FHOD3: variants seen among roughly 807,000 people sequenced by gnomAD.
The protein encoded by FHOD3 is FH1/FH2 domain-containing protein 3.
Under a neutral mutation model 173.0 loss-of-function variants are expected in FHOD3, and 90 were observed. That is an observed-to-expected ratio of 0.52 (90% CI 0.44 to 0.62). The LOEUF (loss-of-function observed/expected upper bound fraction) is 0.62. Among genes scored for constraint, FHOD3 ranks in the 20% least tolerant of loss-of-function variants. FHOD3 has a pLI of 0.00. For missense variants in FHOD3, 1,945 were observed against 2,034.7 expected, an observed-to-expected ratio of 0.96 and a Z score of 0.85; for synonymous variants, 828 against 823.0, an observed-to-expected ratio of 1.01 and a Z score of -0.10.
At chr18:36,381,902 G>A (rs2047811244) in intron 3 of FHOD3, among the ~76,000 whole-genome samples, 1 of 152,182 alleles carries the variant, frequency 6.6e-6, no homozygotes, top group South Asian at 2.1e-4. Flanking sequence ...AGAGTAAATA[G>A]AGAGTTAAAA....
chr18:36,415,491 G>GATTT (rs571995429), intron 3 of FHOD3, among the ~76,000 whole-genome samples: 37 of 152,146 alleles, frequency 2.4e-4, no homozygotes, highest in Non-Finnish European at 5.3e-4. Context: ...AGCACGCAAG[G>GATTT]ATTTATTCAT....
At chr18:36,322,730 G>T (rs1568120893) in intron 1 of FHOD3, among the ~76,000 whole-genome samples, 1 of 152,176 alleles carries the variant, frequency 6.6e-6, no homozygotes, top group East Asian at 1.9e-4. Flanking sequence ...GTCCCTACCT[G>T]CTGTCCACCT....
chr18:36,526,168 C>G (rs1434928625), intron 5 of FHOD3, among the ~76,000 whole-genome samples: 4 of 152,230 alleles, frequency 2.6e-5, no homozygotes, highest in Admixed American at 2.6e-4. Flanking sequence ...GCCAAGGCCC[C>G]TCGTCGTAAG....
At chr18:36,333,276 G>A (rs577966046) in intron 1 of FHOD3, among the ~76,000 whole-genome samples, 81 of 152,304 alleles carry the variant, frequency 5.3e-4, no homozygotes, top group African/African-American at 1.9e-3. Flanking sequence ...GTCTCAGAGA[G>A]GATGGCTGTC....
chr18:36,495,957 T>C (rs1003316509), intron 3 of FHOD3, among the ~76,000 whole-genome samples: 17 of 152,314 alleles, frequency 1.1e-4, no homozygotes, highest in Non-Finnish European at 2.4e-4. Flanking sequence ...TGGAGTTCCA[T>C]AGGAAATGGA....
At chr18:36,377,366 G>A (rs889905845) in intron 3 of FHOD3, among the ~76,000 whole-genome samples, 11 of 152,118 alleles carry the variant, frequency 7.2e-5, no homozygotes, top group Admixed American at 7.2e-4. Flanking sequence ...CTCCTGGCTT[G>A]CAGGGAGGCC....
intron 25 of FHOD3, among the ~76,000 whole-genome samples, chr18:36,758,198 G>A (rs1600588080): frequency 6.6e-6 from 1 of 152,200 alleles, no homozygotes; most frequent in Non-Finnish European, 1.5e-5. Flanking sequence ...ATGAGGCAGC[G>A]TGGAATGTTA....
intron 17 of FHOD3, among the ~76,000 whole-genome samples, chr18:36,703,843 C>A (rs1040287527): frequency 1.3e-5 from 2 of 152,180 alleles, no homozygotes; most frequent in African/African-American, 4.8e-5. Context: ...GACGGGGCAG[C>A]CTTTATATTC....
chr18:36,356,563 T>A (rs1180237050), intron 2 of FHOD3, among the ~76,000 whole-genome samples: 2 of 151,980 alleles, frequency 1.3e-5, no homozygotes, highest in African/African-American at 4.8e-5. Context: ...AGTGGCGTGA[T>A]CTCGGCTCAC....
At chr18:36,388,267 C>A (rs187390561) in intron 3 of FHOD3, among the ~76,000 whole-genome samples, 164 of 152,290 alleles carry the variant, frequency 1.1e-3, no homozygotes, top group African/African-American at 3.8e-3. Context: ...CCAAGCTAAA[C>A]AGGAAAAGCG....
At chr18:36,730,115 G>A (rs1320453285) in intron 19 of FHOD3, among the ~76,000 whole-genome samples, 1 of 152,180 alleles carries the variant, frequency 6.6e-6, no homozygotes, top group Admixed American at 6.5e-5. Context: ...TGGTATAAGG[G>A]GCATGGAATG....
chr18:36,744,262 C>G (rs529879727), intron 23 of FHOD3, 69 bp downstream of exon 23: 4 of 1,505,594 alleles, frequency 2.7e-6, no homozygotes, highest in Non-Finnish European at 3.6e-6. Context: ...CGGTCATCCT[C>G]GAGGAACACG....
At chr18:36,601,797 T>C (rs1241620763) in intron 7 of FHOD3, among the ~76,000 whole-genome samples, 1 of 152,226 alleles carries the variant, frequency 6.6e-6, no homozygotes, top group East Asian at 1.9e-4. Context: ...TCACTTCAAA[T>C]ATTCATCTTG....
intron 1 of FHOD3, among the ~76,000 whole-genome samples, chr18:36,312,677 A>G (rs2092287267): frequency 6.6e-6 from 1 of 152,184 alleles, no homozygotes; most frequent in African/African-American, 2.4e-5. Flanking sequence ...TGTGTCATCC[A>G]TGGCATATGG....
intron 2 of FHOD3, among the ~76,000 whole-genome samples, chr18:36,357,362 G>A (rs1048339267): frequency 4.6e-5 from 7 of 152,202 alleles, no homozygotes; most frequent in African/African-American, 1.7e-4. Context: ...TTCTCAGCAT[G>A]TTTCAGGCAC....
chr18:36,608,631 C>T (rs2032343508), intron 8 of FHOD3, among the ~76,000 whole-genome samples: 1 of 152,080 alleles, frequency 6.6e-6, no homozygotes, highest in African/African-American at 2.4e-5. Context: ...TAGTATTCCC[C>T]CATGTTATCC....
intron 3 of FHOD3, among the ~76,000 whole-genome samples, chr18:36,464,225 T>TATG (rs1427424433): frequency 6.6e-6 from 1 of 152,204 alleles, no homozygotes; most frequent in Non-Finnish European, 1.5e-5. Flanking sequence ...AGAAATGAAC[T>TATG]GCATGCCTCT....
intron 3 of FHOD3, among the ~76,000 whole-genome samples, chr18:36,478,236 G>A (rs1416952102): frequency 6.6e-6 from 1 of 152,090 alleles, no homozygotes; most frequent in African/African-American, 2.4e-5. Context: ...CTTAATCCAG[G>A]CCATTGTCAC....
intron 18 of FHOD3, among the ~76,000 whole-genome samples, chr18:36,713,603 A>T (rs754569365): frequency 3.3e-5 from 5 of 152,240 alleles, no homozygotes; most frequent in African/African-American, 1.2e-4. Flanking sequence ...ATCAGTAGGG[A>T]AATTATAGTT....
Sources: gnomAD v4.1 joint callset for allele counts (sites outside exome capture counted in the v4.1 genomes callset) on GRCh38, gnomAD v4.1.1 for gene constraint, MANE v1.5 for transcripts, NCBI Gene and HGNC (gene_info 2026-07-23, HGNC 2026-07-21) for gene names.